The following ASAP2 variants were observed in gnomAD, a reference collection of about 807,000 sequenced individuals.
ASAP2 encodes arf-GAP with SH3 domain, ANK repeat and PH domain-containing protein 2.
A neutral mutation model predicts 131.4 loss-of-function variants in ASAP2; 45 were observed. That is an observed-to-expected ratio of 0.34 (90% CI 0.27 to 0.44). The LOEUF (loss-of-function observed/expected upper bound fraction) is 0.44. Among genes scored for constraint, ASAP2 ranks in the 20% least tolerant of loss-of-function variants. The pLI is 1.00. For synonymous variants in ASAP2, 510 were observed against 503.0 expected (o/e 1.01, Z -0.19); for missense variants, 1,011 against 1,297.0 (o/e 0.78, Z 3.39).
rs779162425 is a variant in ASAP2 at position 9,392,698 on chromosome 2, C to T, written c.2519-784C>T. On this transcript the variant is annotated intron_variant, in intron 23 of 27. Coordinates refer to ENST00000281419, the MANE Select transcript of ASAP2 (RefSeq NM_003887.3). The surrounding 1 kb of genome is among the most constrained non-coding windows in gnomAD (Gnocchi z 4.0). Reference sequence around the variant, plus strand: ...AGCTGGATCCCTTCATGTTTCCCCACGCCAGTTTCCTCTCTGTGTAGCTGA... The same window carrying T: ...AGCTGGATCCCTTCATGTTTCCCCATGCCAGTTTCCTCTCTGTGTAGCTGA... 2.0e-5 allele frequency among the ~76,000 whole-genome samples: 3 copies of T among 152,200 alleles called. No homozygotes were observed. Among genetic ancestry groups the T allele is most frequent in the Admixed American group, 6.5e-5 (1 of 15,286 alleles).
rs1667117423 is a variant in ASAP2 at position 9,281,347 on chromosome 2, A to G, written c.199+1958A>G. ...GGAGGAGAGACTTGTGTGACTCCCAAGGCTGGCCCAGTGGCTGGCAGTACA... is the reference window on the plus strand; with the variant it reads ...GGAGGAGAGACTTGTGTGACTCCCAGGGCTGGCCCAGTGGCTGGCAGTACA... On this transcript the variant is annotated intron_variant, in intron 2 of 27. Coordinates refer to ENST00000281419, the MANE Select transcript of ASAP2 (RefSeq NM_003887.3). This position sits in a 1 kb window ranked among gnomAD's most constrained non-coding sequence, Gnocchi z 4.0. Among the ~76,000 whole-genome samples the G allele has an allele frequency of 6.6e-6, 1 of 152,186 alleles. No individual in the cohort carries two copies. The highest frequency in any genetic ancestry group is 2.1e-4 in the South Asian group (1 of 4,814).
chr2:9,282,953 C>T (rs368390071), intron 2 of ASAP2, among the ~76,000 whole-genome samples: 17 of 152,358 alleles, frequency 1.1e-4, no homozygotes, highest in East Asian at 7.7e-4. Flanking sequence ...AGTCTGTAAA[C>T]GGACTCCCCC....
Position 9,344,524 on chromosome 2 carries a change from T to C in ASAP2, c.850-8T>C. The C allele has an allele frequency of 6.2e-7, 1 of 1,610,070 alleles. No individual in the cohort carries two copies. Among genetic ancestry groups the C allele is most frequent in the Non-Finnish European group, 8.5e-7 (1 of 1,176,800 alleles). Reference sequence around the variant, plus strand: ...AAGATTAAAAACACACTCTTCACCATTTTTTAGGACTCCCAAATTCGTCAG... The same window carrying C: ...AAGATTAAAAACACACTCTTCACCACTTTTTAGGACTCCCAAATTCGTCAG... On this transcript the variant is annotated splice_region_variant and splice_polypyrimidine_tract_variant and intron_variant, in intron 9 of 27. Transcript: ENST00000281419.
At chr2:9,391,987 C>T (rs1675764336) in intron 23 of ASAP2, among the ~76,000 whole-genome samples, 1 of 152,088 alleles carries the variant, frequency 6.6e-6, no homozygotes, top group Admixed American at 6.5e-5. Flanking sequence ...TTCAAGGGAT[C>T]CTCCTGCCTT....
chr2:9,274,466 G>A (rs1402400785), intron 1 of ASAP2, among the ~76,000 whole-genome samples: 2 of 151,874 alleles, frequency 1.3e-5, no homozygotes, highest in Non-Finnish European at 2.9e-5. Context: ...GGGATTATGG[G>A]CATGCACCAC....
intron 15 of ASAP2, among the ~76,000 whole-genome samples, chr2:9,359,575 G>A (rs1242877645): frequency 6.6e-6 from 1 of 152,160 alleles, no homozygotes; most frequent in Non-Finnish European, 1.5e-5. Flanking sequence ...TTCTCTCCTG[G>A]GATAGCTGGA....
intron 1 of ASAP2, among the ~76,000 whole-genome samples, chr2:9,238,766 G>T (rs190673554): frequency 1.3e-5 from 2 of 152,212 alleles, no homozygotes; most frequent in Admixed American, 1.3e-4. Context: ...ATGTACAGTT[G>T]TGTAATCCCC....
At position 9,376,937 on chromosome 2, in the gene ASAP2, A is replaced by G. The variant is rs34464740; in HGVS notation, c.1776A>G (p.Ala592=). ...HEPDETALHL[A]VRSVDRTSLH... is the part of the protein sequence containing the mutation. ...CGGATGAAACGGCCCTCCACCTTGC[A>G]GTCAGATCCGTGGATCGAACCTCTC... The change falls in exon 18 of 28, where the codon GCA becomes GCG. Residue 592 remains alanine, a synonymous_variant. Transcript: ENST00000281419. 17,659 of 1,614,124 alleles carry G rather than the reference A, an allele frequency of 0.011. 106 individuals are homozygous for G. The highest frequency in any genetic ancestry group is 0.013 in the Non-Finnish European group (15,219 of 1,179,970).
rs10164433 is a variant in ASAP2, at chr2:9,302,503, C to T, written c.345+5058C>T. Among the ~76,000 whole-genome samples the T allele has an allele frequency of 5.5e-3, 833 of 151,992 alleles. 6 individuals are homozygous for T. The highest frequency in any genetic ancestry group is 0.015 in the African/African-American group (621 of 41,432). On this transcript the variant is annotated intron_variant, in intron 3 of 27. Coordinates refer to ENST00000281419, the MANE Select transcript of ASAP2 (RefSeq NM_003887.3). ...TTTGTTTGTTTGTTTGAAACAGAGT[C>T]TCACTGTGTCGCCCAAGCTAGAGTG...
intron 7 of ASAP2, among the ~76,000 whole-genome samples, chr2:9,329,772 TG>T (rs1572467808): frequency 1.3e-5 from 2 of 152,236 alleles, no homozygotes; most frequent in African/African-American, 4.8e-5. Context: ...GAGCAGGCTG[TG>T]CCACCAGCAG....
At chr2:9,371,024 G>T (rs576245230) in intron 16 of ASAP2, among the ~76,000 whole-genome samples, 3 of 152,300 alleles carry the variant, frequency 2.0e-5, no homozygotes, top group South Asian at 4.1e-4. Flanking sequence ...AGCACCAGGG[G>T]TACCTAACGA....
At chr2:9,316,636 A>T (rs1325625471) in intron 3 of ASAP2, among the ~76,000 whole-genome samples, 1 of 151,962 alleles carries the variant, frequency 6.6e-6, no homozygotes, top group African/African-American at 2.4e-5. Flanking sequence ...TGAGGGAGGG[A>T]ATCTTTTCAG....
intron 7 of ASAP2, among the ~76,000 whole-genome samples, chr2:9,331,578 G>A (rs1232373616): frequency 6.6e-6 from 1 of 152,092 alleles, no homozygotes; most frequent in Admixed American, 6.5e-5. Flanking sequence ...GACCAGCCTG[G>A]CCAACATGGT....
intron 2 of ASAP2, among the ~76,000 whole-genome samples, chr2:9,291,428 A>G (rs1425564814): frequency 6.6e-6 from 1 of 152,214 alleles, no homozygotes; most frequent in African/African-American, 2.4e-5. Context: ...AAGAAATTGC[A>G]TTCCCATGAG....
At position 9,393,523 on chromosome 2, in the gene ASAP2, CCCAGCGTAATGGAAG is replaced by C; in HGVS notation, c.2563_2577del (p.Ser855_Ala859del). On this transcript the variant is annotated inframe_deletion, in exon 24 of 28. Coordinates refer to ENST00000281419, the MANE Select transcript of ASAP2 (RefSeq NM_003887.3). The stretch of plus-strand genomic sequence containing the variant: ...GCCGCCCCCACCCGTTGCCAAGACG[CCCAGCGTAATGGAAG>C]CCTTGAGCCAGCCGAGCAAGCCTGC... 1 of 1,605,050 alleles carries C rather than the reference CCCAGCGTAATGGAAG, an allele frequency of 6.2e-7. No homozygotes were observed. The highest frequency in any genetic ancestry group is 8.5e-7 in the Non-Finnish European group (1 of 1,176,512).
At position 9,247,030 on chromosome 2, in the gene ASAP2, G is replaced by T. The variant is rs139311300; in HGVS notation, c.127-32287G>T. On this transcript the variant is annotated intron_variant, in intron 1 of 27. Transcript: ENST00000281419. ...GATTTTTTAATGTTTTTGTAGAGAT[G>T]GGGTCTGTGTTGTCCAGGATGGCCT... Among the ~76,000 whole-genome samples, 8 of 152,090 alleles carry T rather than the reference G, an allele frequency of 5.3e-5. No homozygotes were observed. The East Asian group carries it at 1.6e-3, about 30-fold the overall frequency.
intron 1 of ASAP2, chr2:9,271,224 G>A: frequency 1.5e-6 from 1 of 660,978 alleles, no homozygotes; most frequent in South Asian, 1.9e-5. Context: ...ACAAGGGACA[G>A]AAGGGAAATT....
intron 9 of ASAP2, among the ~76,000 whole-genome samples, 182 bp from the exon 10 acceptor site, chr2:9,344,350 A>G (rs529033722): frequency 4.6e-5 from 7 of 152,168 alleles, no homozygotes; most frequent in Non-Finnish European, 1.0e-4. Flanking sequence ...GATAGATGGC[A>G]TTTATCAGTT....
At chr2:9,282,298 A>G (rs780563081) in intron 2 of ASAP2, among the ~76,000 whole-genome samples, 2 of 152,178 alleles carry the variant, frequency 1.3e-5, no homozygotes, top group Non-Finnish European at 2.9e-5. Flanking sequence ...CCTAAGTCCT[A>G]AAACCAGAGC....
Sources: gnomAD v4.1 joint callset for allele counts (sites outside exome capture counted in the v4.1 genomes callset) on GRCh38, gnomAD v4.1.1 for gene constraint, Gnocchi (gnomAD v3.1) non-coding constraint, MANE v1.5 for transcripts, NCBI Gene and HGNC (gene_info 2026-07-23, HGNC 2026-07-21) for gene names.